Variants in SCRT2 observed in about 807,000 individuals in gnomAD.
The protein encoded by SCRT2 is scratch family transcriptional repressor 2.
In SCRT2, 2 loss-of-function variants were observed where a neutral mutation model predicts 3.7. That is an observed-to-expected ratio of 0.54 (90% CI 0.22 to 1.70). The LOEUF (loss-of-function observed/expected upper bound fraction) is 1.70, where lower values mean the gene tolerates loss of function less well. Ranked by LOEUF, SCRT2 falls within the 40% of genes most tolerant of loss-of-function variation. The pLI is 0.19. For synonymous variants in SCRT2, 256 were observed against 220.6 expected (o/e 1.16, Z -1.42); for missense variants, 456 against 468.5 (o/e 0.97, Z 0.25).
chr20:662,650 CAAAT>C lies in SCRT2; in HGVS notation c.*1017_*1020del, dbSNP rs1362575946. 5.2e-5 allele frequency: 8 copies of C among 152,594 alleles called. No homozygotes were observed. Among genetic ancestry groups the C allele is most frequent in the South Asian group, 2.1e-4 (1 of 4,826 alleles). 9.5% of individuals were successfully genotyped at this position (152,594 alleles called of 1,614,324 possible). ...ATAAATAGATAAATAAATAAATACA[CAAAT>C]AAATAACTGGAAGGACCCAGCCGGA... On this transcript the variant is annotated 3_prime_UTR_variant, in exon 2 of 2. Transcript: ENST00000246104.
At chr20:671,352 A>G (rs1224027569) in intron 1 of SCRT2, among the ~76,000 whole-genome samples, 7 of 152,124 alleles carry the variant, frequency 4.6e-5, no homozygotes, top group Non-Finnish European at 1.0e-4. Context: ...CTTGACCTAG[A>G]CTTTGAACCT....
At chr20:668,157 C>CTGT (rs1192525921) in intron 1 of SCRT2, among the ~76,000 whole-genome samples, 1 of 60,688 alleles carries the variant, frequency 1.6e-5, no homozygotes, top group Non-Finnish European at 4.0e-5. Flanking sequence ...CCCTCTTGAG[C>CTGT]TGTTATTATT....
chr20:673,767 C>G (rs1405953461), intron 1 of SCRT2, among the ~76,000 whole-genome samples: 1 of 152,208 alleles, frequency 6.6e-6, no homozygotes, highest in African/African-American at 2.4e-5. Flanking sequence ...ATGGGAAATT[C>G]TCTGGGCTTC....
Position 663,807 on chromosome 20 carries a change from G to A in SCRT2, c.788C>T (p.Ser263Leu). The change falls in exon 2 of 2, where the codon TCG (serine) becomes TTG (leucine). Residue 263 changes from serine (S) to leucine (L), a missense_variant. By Grantham distance (145) the Ser-to-Leu change is moderately radical (BLOSUM62 -2). Transcript: ENST00000246104. This position sits in a 1 kb window ranked among gnomAD's most constrained non-coding sequence, Gnocchi z 6.9. ...SNLRAHMQTH[S>L]AFKHYRCRQC... ...GCGGCAGCGGTAGTGCTTGAAGGCC[G>A]AGTGCGTCTGCATGTGCGCGCGCAG... The A allele has an allele frequency of 6.3e-7, 1 of 1,595,984 alleles. No homozygotes were observed. Among genetic ancestry groups the A allele is most frequent in the East Asian group, 2.3e-5 (1 of 44,202 alleles).
Position 675,602 on chromosome 20 carries a change from G to A in SCRT2, c.-1C>T, listed in dbSNP as rs1181514721. ...TCTTTACCAGGAAGGAGCGCGGCAT[G>A]GCGCGGCCGGCGCGGGGCTCGGTGC... On this transcript the variant is annotated 5_prime_UTR_variant, in exon 1 of 2. Coordinates refer to ENST00000246104, the MANE Select transcript of SCRT2 (RefSeq NM_033129.4). The surrounding 1 kb of genome is among the most constrained non-coding windows in gnomAD (Gnocchi z 6.9). 2 of 1,293,476 alleles carry A rather than the reference G, an allele frequency of 1.5e-6. No individual in the cohort carries two copies. The highest frequency in any genetic ancestry group is 9.9e-7 in the Non-Finnish European group (1 of 1,014,516). 80.1% of individuals were successfully genotyped at this position (1,293,476 alleles called of 1,614,324 possible). A position where few individuals can be genotyped will look rare whatever the true frequency, so the allele number is the denominator to read the frequency against.
chr20:662,056 G>A lies in SCRT2; in HGVS notation c.*1615C>T, dbSNP rs1012226694. The A allele has an allele frequency of 6.5e-6, 1 of 152,846 alleles. No homozygotes were observed. The highest frequency in any genetic ancestry group is 2.4e-5 in the African/African-American group (1 of 41,476). The allele number at this position is 152,846 out of a possible 1,614,324, so 9.5% of individuals were successfully genotyped here. On this transcript the variant is annotated 3_prime_UTR_variant, in exon 2 of 2. Coordinates refer to ENST00000246104, the MANE Select transcript of SCRT2 (RefSeq NM_033129.4). ...TGTGCTTAAAGCGGAGGGGGCCAGG[G>A]CCCGTGCGCGTGGAGGTGTGTGCTT...
At position 664,466 on chromosome 20, in the gene SCRT2, AG is replaced by A. The variant is rs534756623; in HGVS notation, c.134-6del. ...GCAGGCGGTGCGGGGCGTACCCTGG[AG>A]GGGGCGAGAAGTGGAGGGGCGGTGA... On this transcript the variant is annotated splice_polypyrimidine_tract_variant and splice_region_variant and intron_variant, in intron 1 of 1. Coordinates refer to ENST00000246104, the MANE Select transcript of SCRT2 (RefSeq NM_033129.4). This position sits in a 1 kb window ranked among gnomAD's most constrained non-coding sequence, Gnocchi z 7.9. The A allele has an allele frequency of 1.3e-4, 164 of 1,252,116 alleles. 1 individual carries two copies. In the African/African-American group the frequency reaches 2.1e-3, roughly 16 times the overall value. The allele number at this position is 1,252,116 out of a possible 1,614,324, so 77.6% of individuals were successfully genotyped here.
At chr20:671,003 G>C (rs1321514091) in intron 1 of SCRT2, among the ~76,000 whole-genome samples, 1 of 152,182 alleles carries the variant, frequency 6.6e-6, no homozygotes, top group Non-Finnish European at 1.5e-5. Context: ...AACAGAGGCT[G>C]GGAGGAGAGG....
rs138845350 is a variant in SCRT2, at chr20:667,490, C to T, written c.134-3029G>A. 2.8e-4 allele frequency among the ~76,000 whole-genome samples: 43 copies of T among 152,302 alleles called. No homozygotes were observed. In the East Asian group the frequency reaches 7.5e-3, roughly 27 times the overall value. On this transcript the variant is annotated intron_variant, in intron 1 of 1. Coordinates refer to ENST00000246104, the MANE Select transcript of SCRT2 (RefSeq NM_033129.4). This position sits in a 1 kb window ranked among gnomAD's most constrained non-coding sequence, Gnocchi z 4.4. Reference sequence around the variant, plus strand: ...CTCTCTGGGCCTCTGTTTCCTCACCCGGGATGTGTAATTTCTATTTCACGT... The same window carrying T: ...CTCTCTGGGCCTCTGTTTCCTCACCTGGGATGTGTAATTTCTATTTCACGT...
chr20:664,181 G>A lies in SCRT2; in HGVS notation c.414C>T (p.Ala138=). The part of the protein sequence containing the change: ...DAGGSGDAGG[A]GGRAGRAGAQ... ...CCCCCGCGCGCCCCGCGCGCCCCCC[G>A]GCGCCCCCCGCGTCTCCCGAGCCCC... Residue 138 remains alanine (A), a synonymous_variant, in exon 2 of 2, where the codon GCC becomes GCT. Transcript: ENST00000246104. This position sits in a 1 kb window ranked among gnomAD's most constrained non-coding sequence, Gnocchi z 7.9. 1.9e-6 allele frequency: 2 copies of A among 1,050,140 alleles called. No homozygotes were observed. The highest frequency in any genetic ancestry group is 1.7e-5 in the African/African-American group (1 of 57,946). 65.1% of individuals were successfully genotyped at this position (1,050,140 alleles called of 1,614,324 possible).
chr20:669,391 TC>T (rs1984259532), intron 1 of SCRT2, among the ~76,000 whole-genome samples: 1 of 152,196 alleles, frequency 6.6e-6, no homozygotes, highest in African/African-American at 2.4e-5. Flanking sequence ...AAACAAGTTC[TC>T]ATCAGAGCTG....
chr20:672,285 T>G (rs1165211404), intron 1 of SCRT2, among the ~76,000 whole-genome samples: 1 of 152,052 alleles, frequency 6.6e-6, no homozygotes, highest in Non-Finnish European at 1.5e-5. Flanking sequence ...AGGAGTTCTG[T>G]GGGCTTGGGG....
In SCRT2 at chr20:663,010, GGTGT is replaced by G; in HGVS notation, c.*657_*660del. 1 of 151,538 alleles carries G rather than the reference GGTGT, an allele frequency of 6.6e-6. No homozygotes were observed. Among genetic ancestry groups the G allele is most frequent in the Non-Finnish European group, 1.5e-5 (1 of 67,908 alleles). The allele number at this position is 151,538 out of a possible 1,614,324, so 9.4% of individuals were successfully genotyped here. On this transcript the variant is annotated 3_prime_UTR_variant, in exon 2 of 2. Coordinates refer to ENST00000246104, the MANE Select transcript of SCRT2 (RefSeq NM_033129.4). The surrounding 1 kb of genome is among the most constrained non-coding windows in gnomAD (Gnocchi z 6.9). Reference sequence around the variant, plus strand: ...ACTGTGTGTGGGAGTGGGGTGTGGGGGTGTGTGTGTGTGTGAATGGCCAGACCTA... The same window carrying G: ...ACTGTGTGTGGGAGTGGGGTGTGGGGGTGTGTGTGTGAATGGCCAGACCTA...
rs532559397 is a variant in SCRT2, at chr20:664,954, A to T, written c.134-493T>A. Among the ~76,000 whole-genome samples, 17 of 152,252 alleles carry T rather than the reference A, an allele frequency of 1.1e-4. No homozygotes were observed. The South Asian group carries it at 3.3e-3, about 30-fold the overall frequency. ...TCTGCAAAATGGAGCTTGTGATTGGACACCTCCTTCCAGGGTCGTTGGAAG... is the reference window on the plus strand; with the variant it reads ...TCTGCAAAATGGAGCTTGTGATTGGTCACCTCCTTCCAGGGTCGTTGGAAG... On this transcript the variant is annotated intron_variant, in intron 1 of 1. Transcript: ENST00000246104. The surrounding 1 kb of genome is among the most constrained non-coding windows in gnomAD (Gnocchi z 7.9).
chr20:675,220 C>G lies in SCRT2; in HGVS notation c.133+249G>C, dbSNP rs1483112557. Among the ~76,000 whole-genome samples, 1 of 152,200 alleles carries G rather than the reference C, an allele frequency of 6.6e-6. No homozygotes were observed. The highest frequency in any genetic ancestry group is 2.4e-5 in the African/African-American group (1 of 41,466). ...CCTCACTCTAGCCCTATTTGAGGGC[C>G]ACAACTTTCAAAGTCCCGGCTGGCG... On this transcript the variant is annotated intron_variant, in intron 1 of 1. Coordinates refer to ENST00000246104, the MANE Select transcript of SCRT2 (RefSeq NM_033129.4). The surrounding 1 kb of genome is among the most constrained non-coding windows in gnomAD (Gnocchi z 6.9).
rs61589065 is a variant in SCRT2 at position 675,763 on chromosome 20, T to TGGCGGC, written c.-168_-163dup. ...GGCGGCCCCGGCTCGGGCTCGGGCT[T>TGGCGGC]GGCGGCGGCGGCGCGCAGACAGGGG... On this transcript the variant is annotated 5_prime_UTR_variant, in exon 1 of 2. Coordinates refer to ENST00000246104, the MANE Select transcript of SCRT2 (RefSeq NM_033129.4). The surrounding 1 kb of genome is among the most constrained non-coding windows in gnomAD (Gnocchi z 6.9). The TGGCGGC allele has an allele frequency of 4.9e-3, 1,294 of 263,214 alleles. 15 individuals carry two copies. The highest frequency in any genetic ancestry group is 4.4e-3 in the Non-Finnish European group (665 of 151,640). The allele number at this position is 263,214 out of a possible 1,614,324, so 16.3% of individuals were successfully genotyped here. A position where few individuals can be genotyped will look rare whatever the true frequency, so the allele number is the denominator to read the frequency against.
In SCRT2 at chr20:675,434, C is replaced by G. The variant is rs1984497768; in HGVS notation, c.133+35G>C. 7.7e-7 allele frequency: 1 copy of G among 1,295,224 alleles called. No homozygotes were observed. The highest frequency in any genetic ancestry group is 1.5e-5 in the African/African-American group (1 of 65,516). The allele number at this position is 1,295,224 out of a possible 1,614,324, so 80.2% of individuals were successfully genotyped here. Reference sequence around the variant, plus strand: ...AGGGCCCCAGCTCCCCTCGCCTCTTCTCCCAACCCCCCGCCCCCGCCGGGT... The same window carrying G: ...AGGGCCCCAGCTCCCCTCGCCTCTTGTCCCAACCCCCCGCCCCCGCCGGGT... On this transcript the variant is annotated intron_variant, in intron 1 of 1. Transcript: ENST00000246104. This position sits in a 1 kb window ranked among gnomAD's most constrained non-coding sequence, Gnocchi z 6.9.
Position 664,128 on chromosome 20 carries a change from G to C in SCRT2, c.467C>G (p.Ala156Gly). 6.7e-7 allele frequency: 1 copy of C among 1,498,276 alleles called. No homozygotes were observed. Among genetic ancestry groups the C allele is most frequent in the Non-Finnish European group, 8.9e-7 (1 of 1,121,908 alleles). 92.8% of individuals were successfully genotyped at this position (1,498,276 alleles called of 1,614,324 possible). The change falls in exon 2 of 2, where the codon GCG becomes GGG. Residue 156 changes from alanine to glycine, a missense_variant. By Grantham distance (60) the Ala-to-Gly change is moderately conservative. Coordinates refer to ENST00000246104, the MANE Select transcript of SCRT2 (RefSeq NM_033129.4). This position sits in a 1 kb window ranked among gnomAD's most constrained non-coding sequence, Gnocchi z 7.9. ...GTAGGTCTTGCCGCACTCGGCGCACGCGTGCCGGTGCCCGCCGCCCGCCTG... is the reference window on the plus strand; with the variant it reads ...GTAGGTCTTGCCGCACTCGGCGCACCCGTGCCGGTGCCCGCCGCCCGCCTG... The part of the protein sequence containing the change: ...GAQAGGGHRH[A>G]CAECGKTYAT...
Position 663,580 on chromosome 20 carries a change from A to T in SCRT2, c.*91T>A. 8.3e-7 allele frequency: 1 copy of T among 1,208,216 alleles called. No homozygotes were observed. The allele number at this position is 1,208,216 out of a possible 1,614,324, so 74.8% of individuals were successfully genotyped here. A position where few individuals can be genotyped will look rare whatever the true frequency, so the allele number is the denominator to read the frequency against. On this transcript the variant is annotated 3_prime_UTR_variant, in exon 2 of 2. Coordinates refer to ENST00000246104, the MANE Select transcript of SCRT2 (RefSeq NM_033129.4). This position sits in a 1 kb window ranked among gnomAD's most constrained non-coding sequence, Gnocchi z 6.9. ...GAGAGGGTCATGGGCAGGGAAACGC[A>T]GCCGGGGCTGGGCGAGGGCGCTGCG...
Sources: gnomAD v4.1 joint callset for allele counts (sites outside exome capture counted in the v4.1 genomes callset) on GRCh38, gnomAD v4.1.1 for gene constraint, Gnocchi (gnomAD v3.1) non-coding constraint, MANE v1.5 for transcripts, NCBI Gene and HGNC (gene_info 2026-07-23, HGNC 2026-07-21) for gene names.